The following MYO1D variants were observed in gnomAD, a reference collection of about 807,000 sequenced individuals.
MYO1D encodes unconventional myosin-Id.
MYO1D carries 83 observed loss-of-function variants against 122.0 expected under a neutral mutation model. The observed-to-expected ratio is 0.68, with a 90% CI of 0.57 to 0.82. The LOEUF is 0.82. Among genes scored for constraint, MYO1D ranks in the 40% least tolerant of loss-of-function variants. The probability of loss-of-function intolerance (pLI) is 0.00; values close to 1 mark genes in which losing one functional copy is unlikely to be tolerated. For missense variants in MYO1D, 1,157 were observed against 1,269.5 expected, an observed-to-expected ratio of 0.91 and a Z score of 1.35; for synonymous variants, 464 against 446.9, an observed-to-expected ratio of 1.04 and a Z score of -0.48.
At chr17:32,576,368 A>C (rs2087278467) in intron 21 of MYO1D, among the ~76,000 whole-genome samples, 1 of 152,204 alleles carries the variant, frequency 6.6e-6, no homozygotes, top group Non-Finnish European at 1.5e-5. Flanking sequence ...TCAACTACCA[A>C]GGACAATTTC....
chr17:32,606,600 C>T (rs549280372), intron 20 of MYO1D, among the ~76,000 whole-genome samples: 423 of 152,244 alleles, frequency 2.8e-3, no homozygotes, highest in Non-Finnish European at 4.3e-3. Flanking sequence ...AAAGAAAATC[C>T]ACAGATTGTA....
intron 1 of MYO1D, 122 bp from the exon 2 acceptor site, chr17:32,780,906 G>T: frequency 1.1e-6 from 1 of 949,482 alleles, no homozygotes; most frequent in South Asian, 1.6e-5. Context: ...CTGAACTGAC[G>T]TTTCATTGGC....
intron 21 of MYO1D, among the ~76,000 whole-genome samples, chr17:32,601,285 C>T (rs1342654224): frequency 1.3e-5 from 2 of 152,088 alleles, no homozygotes; most frequent in African/African-American, 2.4e-5. Context: ...CTCCCATTCA[C>T]TTGAACATTT....
chr17:32,579,275 C>T (rs1262390210), intron 21 of MYO1D, among the ~76,000 whole-genome samples: 1 of 152,086 alleles, frequency 6.6e-6, no homozygotes, highest in Non-Finnish European at 1.5e-5. Context: ...CACCATGTTG[C>T]TCAGGCTGAT....
At chr17:32,706,652 T>C (rs942083614) in intron 16 of MYO1D, among the ~76,000 whole-genome samples, 1 of 152,168 alleles carries the variant, frequency 6.6e-6, no homozygotes, top group Non-Finnish European at 1.5e-5. Context: ...AAACAGCTAG[T>C]TATTCGCCTG....
At chr17:32,844,004 T>TAC (rs964375758) in intron 1 of MYO1D, among the ~76,000 whole-genome samples, 13 of 150,900 alleles carry the variant, frequency 8.6e-5, no homozygotes, top group African/African-American at 2.4e-4. Flanking sequence ...TATACACATA[T>TAC]ACACACACAC....
In MYO1D at chr17:32,524,605, T is replaced by C. The variant is rs925841019; in HGVS notation, c.2865-29690A>G. ...TTTTGAGACAGTCTCGCTCTTTTGC[T>C]CAGGCTGGAGTGCAGTGGCATGATC... is the stretch of plus-strand genomic sequence containing the variant. On this transcript the variant is annotated intron_variant, in intron 21 of 21. Transcript: ENST00000318217. Among the ~76,000 whole-genome samples the C allele has an allele frequency of 6.1e-5, 9 of 146,770 alleles. No homozygotes were observed. The Admixed American group carries it at 6.2e-4, about 10-fold the overall frequency.
At chr17:32,697,478 G>A (rs928642721) in intron 16 of MYO1D, among the ~76,000 whole-genome samples, 1 of 152,046 alleles carries the variant, frequency 6.6e-6, no homozygotes. Flanking sequence ...ACTAGCATTG[G>A]GGGCAACCTC....
intron 2 of MYO1D, among the ~76,000 whole-genome samples, chr17:32,779,925 T>G (rs2090217637): frequency 6.6e-6 from 1 of 152,238 alleles, no homozygotes; most frequent in South Asian, 2.1e-4. Flanking sequence ...TATTAGCACC[T>G]GAAGAAATTC....
At chr17:32,726,616 T>C (rs1366111295) in intron 14 of MYO1D, among the ~76,000 whole-genome samples, 2 of 149,594 alleles carry the variant, frequency 1.3e-5, no homozygotes, top group East Asian at 1.9e-4. Flanking sequence ...ACAGATATAA[T>C]AGATATAGAT....
At chr17:32,706,595 T>C (rs2089310834) in intron 16 of MYO1D, among the ~76,000 whole-genome samples, 1 of 152,140 alleles carries the variant, frequency 6.6e-6, no homozygotes, top group Non-Finnish European at 1.5e-5. Context: ...TGAACAAAGG[T>C]GGAATTTCAA....
At chr17:32,639,223 G>T (rs745885574) in intron 19 of MYO1D, among the ~76,000 whole-genome samples, 6 of 152,026 alleles carry the variant, frequency 3.9e-5, no homozygotes, top group Non-Finnish European at 7.4e-5. Flanking sequence ...ATTATACAAA[G>T]AAATAATATG....
intron 21 of MYO1D, among the ~76,000 whole-genome samples, chr17:32,500,680 A>G (rs1257860351): frequency 6.6e-6 from 1 of 152,186 alleles, no homozygotes; most frequent in Non-Finnish European, 1.5e-5. Context: ...CGCCATCTAC[A>G]CACTGCCATC....
chr17:32,639,249 A>G (rs1054628803), intron 19 of MYO1D, among the ~76,000 whole-genome samples: 2 of 152,176 alleles, frequency 1.3e-5, no homozygotes, highest in Non-Finnish European at 2.9e-5. Context: ...CTTGGTTATA[A>G]TAAGAATCTG....
chr17:32,586,075 T>C (rs2087384883), intron 21 of MYO1D, among the ~76,000 whole-genome samples: 1 of 152,186 alleles, frequency 6.6e-6, no homozygotes, highest in South Asian at 2.1e-4. Flanking sequence ...TTGAATTCAA[T>C]AGAACAAACC....
intron 21 of MYO1D, among the ~76,000 whole-genome samples, chr17:32,600,841 C>T (rs2087553277): frequency 6.6e-6 from 1 of 152,182 alleles, no homozygotes; most frequent in Admixed American, 6.5e-5. Context: ...AAGAACTTTT[C>T]CTTTGCATTC....
intron 1 of MYO1D, among the ~76,000 whole-genome samples, chr17:32,865,118 C>T (rs554842130): frequency 6.6e-6 from 1 of 152,158 alleles, no homozygotes; most frequent in East Asian, 1.9e-4. Flanking sequence ...CTGTAAAACC[C>T]AAAGCTGATA....
chr17:32,646,282 T>C (rs911255020), intron 19 of MYO1D, among the ~76,000 whole-genome samples: 1 of 152,126 alleles, frequency 6.6e-6, no homozygotes, highest in Non-Finnish European at 1.5e-5. Context: ...TGAAGAACAC[T>C]TACTATCACT....
chr17:32,609,883 A>C (rs1209442461), intron 20 of MYO1D, among the ~76,000 whole-genome samples: 2 of 152,158 alleles, frequency 1.3e-5, no homozygotes, highest in Admixed American at 6.5e-5. Context: ...TGCCACTTAC[A>C]TGTACTGGAT....
Sources: gnomAD v4.1 joint callset for allele counts (sites outside exome capture counted in the v4.1 genomes callset) on GRCh38, gnomAD v4.1.1 for gene constraint, MANE v1.5 for transcripts, NCBI Gene and HGNC (gene_info 2026-07-23, HGNC 2026-07-21) for gene names.